GPC6: variants seen among roughly 807,000 people sequenced by gnomAD.
GPC6 encodes glypican-6.
Under a neutral mutation model 55.2 loss-of-function variants are expected in GPC6, and 14 were observed. That is an observed-to-expected ratio of 0.25 (90% CI 0.17 to 0.40). GPC6 has a LOEUF of 0.40. Among genes scored for constraint, GPC6 ranks in the 10% least tolerant of loss-of-function variants. GPC6 has a pLI of 1.00. For missense variants in GPC6, 641 were observed against 708.5 expected (o/e 0.90, Z 1.08); for synonymous variants, 278 against 259.6 (o/e 1.07, Z -0.68).
At chr13:93,452,856 T>TC (rs1878280897) in intron 1 of GPC6, among the ~76,000 whole-genome samples, 1 of 152,206 alleles carries the variant, frequency 6.6e-6, no homozygotes, top group African/African-American at 2.4e-5. Context: ...CATTGGTGTA[T>TC]ATTACATATG....
intron 1 of GPC6, among the ~76,000 whole-genome samples, chr13:93,279,891 T>A (rs545065693): frequency 1.4e-4 from 21 of 152,310 alleles, no homozygotes; most frequent in African/African-American, 4.8e-4. Context: ...GTATCTTAAA[T>A]GAATTGTTTG....
intron 2 of GPC6, among the ~76,000 whole-genome samples, chr13:93,614,129 G>C (rs1170742800): frequency 6.6e-6 from 1 of 152,026 alleles, no homozygotes. Context: ...GCAAATTATC[G>C]GAAACCATGT....
intron 1 of GPC6, among the ~76,000 whole-genome samples, chr13:93,364,413 C>T (rs933794785): frequency 6.6e-6 from 1 of 151,970 alleles, no homozygotes; most frequent in East Asian, 1.9e-4. Context: ...GTTTTTAAAA[C>T]ACTACAGCAA....
chr13:93,676,713 GTATGTT>G (rs909365601), intron 2 of GPC6, among the ~76,000 whole-genome samples: 1 of 152,076 alleles, frequency 6.6e-6, no homozygotes, highest in Non-Finnish European at 1.5e-5. Flanking sequence ...AGTGTGTTCT[GTATGTT>G]TTGCCAAAAA....
rs141656974 is a variant in GPC6, at chr13:93,864,254, T to G, written c.711+33709T>G. On this transcript the variant is annotated intron_variant, in intron 3 of 8. Coordinates refer to ENST00000377047, the MANE Select transcript of GPC6 (RefSeq NM_005708.5). ...ATAAGATGATAACTGCCTTTCTCTT[T>G]CTTCCCGATCTGTGAAAGCTATGCT... Among the ~76,000 whole-genome samples the G allele has an allele frequency of 2.6e-3, 395 of 151,804 alleles. 4 individuals are homozygous for G. Among genetic ancestry groups the G allele is most frequent in the African/African-American group, 9.2e-3 (382 of 41,500 alleles).
chr13:94,085,320 T>TAAAA (rs1885239524), intron 4 of GPC6, among the ~76,000 whole-genome samples: 2 of 14,762 alleles, frequency 1.4e-4, no homozygotes, highest in African/African-American at 2.5e-4. Context: ...AGATTCTGTC[T>TAAAA]CAAAAAAAAA....
intron 2 of GPC6, among the ~76,000 whole-genome samples, chr13:93,825,065 C>T (rs1160795609): frequency 5.3e-5 from 8 of 152,008 alleles, no homozygotes; most frequent in Middle Eastern, 3.2e-3. Flanking sequence ...AATAGGCTGG[C>T]GTTTTCTCTG....
intron 2 of GPC6, among the ~76,000 whole-genome samples, chr13:93,773,905 T>C (rs897544442): frequency 6.6e-6 from 1 of 152,190 alleles, no homozygotes; most frequent in Non-Finnish European, 1.5e-5. Flanking sequence ...AGAGATTTTA[T>C]AGCAGTACGT....
intron 4 of GPC6, among the ~76,000 whole-genome samples, chr13:94,275,338 T>G (rs1892169531): frequency 6.6e-6 from 1 of 152,146 alleles, no homozygotes; most frequent in Admixed American, 6.5e-5. Flanking sequence ...AGAAAGCTTT[T>G]CTGAGACAGG....
chr13:93,929,111 C>G (rs1878018646), intron 3 of GPC6, among the ~76,000 whole-genome samples: 1 of 152,122 alleles, frequency 6.6e-6, no homozygotes, highest in African/African-American at 2.4e-5. Flanking sequence ...GTCAGATCTT[C>G]ACTGTCTACA....
intron 4 of GPC6, among the ~76,000 whole-genome samples, chr13:94,208,775 A>C (rs921706394): frequency 6.0e-5 from 9 of 150,342 alleles, no homozygotes. Context: ...AAAAAAAAAA[A>C]AAAACAAGCT....
chr13:93,523,509 TTG>T (rs146065094), intron 1 of GPC6, among the ~76,000 whole-genome samples: 13 of 150,678 alleles, frequency 8.6e-5, no homozygotes, highest in South Asian at 4.2e-4. Flanking sequence ...ATATACATAT[TTG>T]TGTGTGTGTG....
chr13:93,443,799 T>A (rs914047894), intron 1 of GPC6, among the ~76,000 whole-genome samples: 8 of 152,236 alleles, frequency 5.3e-5, no homozygotes, highest in Admixed American at 2.0e-4. Flanking sequence ...ATGGCCTTAA[T>A]CATGATCTAA....
intron 4 of GPC6, among the ~76,000 whole-genome samples, chr13:94,190,567 C>T (rs1889358672): frequency 6.6e-6 from 1 of 152,154 alleles, no homozygotes; most frequent in Non-Finnish European, 1.5e-5. Context: ...TAGTCTTCAT[C>T]CTGGGCTAAA....
At chr13:93,736,051 G>T (rs1168967297) in intron 2 of GPC6, among the ~76,000 whole-genome samples, 2 of 152,134 alleles carry the variant, frequency 1.3e-5, no homozygotes, top group Non-Finnish European at 2.9e-5. Context: ...TGGAAAGAGG[G>T]TGCTGTGCTC....
At chr13:93,337,484 C>T (rs1186149735) in intron 1 of GPC6, among the ~76,000 whole-genome samples, 1 of 151,590 alleles carries the variant, frequency 6.6e-6, no homozygotes, top group Non-Finnish European at 1.5e-5. Flanking sequence ...TATTAAGTGC[C>T]ATTGTCCTCA....
At chr13:94,309,064 C>A (rs1169762825) in intron 6 of GPC6, among the ~76,000 whole-genome samples, 4 of 152,162 alleles carry the variant, frequency 2.6e-5, no homozygotes, top group East Asian at 1.9e-4. Context: ...TCTCATATTA[C>A]CTACTCCTGT....
At chr13:93,660,203 C>T (rs1439531950) in intron 2 of GPC6, among the ~76,000 whole-genome samples, 1 of 152,028 alleles carries the variant, frequency 6.6e-6, no homozygotes, top group African/African-American at 2.4e-5. Flanking sequence ...GTTAAAAATT[C>T]TCATTTCCAA....
At chr13:93,672,675 A>G (rs1881418227) in intron 2 of GPC6, among the ~76,000 whole-genome samples, 1 of 150,682 alleles carries the variant, frequency 6.6e-6, no homozygotes, top group Non-Finnish European at 1.5e-5. Context: ...ATATACACAC[A>G]CAAACATATA....
Sources: allele counts gnomAD v4.1 joint callset (sites outside exome capture counted in the v4.1 genomes callset), GRCh38; gene constraint gnomAD v4.1.1; transcripts MANE v1.5; gene names NCBI Gene and HGNC (gene_info 2026-07-23, HGNC 2026-07-21).